WNT3A: variants seen among roughly 807,000 people sequenced by gnomAD.
WNT3A encodes protein Wnt-3a.
In WNT3A, 17 loss-of-function variants were observed where a neutral mutation model predicts 37.0. The ratio of observed to expected loss-of-function variants is 0.46; its 90% CI spans 0.31 to 0.69. The LOEUF is 0.69. Among genes scored for constraint, WNT3A ranks in the 30% least tolerant of loss-of-function variants. WNT3A has a pLI of 0.05. For missense variants in WNT3A, 411 were observed against 510.2 expected, an observed-to-expected ratio of 0.81 and a Z score of 1.87; for synonymous variants, 187 against 211.0, an observed-to-expected ratio of 0.89 and a Z score of 0.99.
chr1:228,012,927 G>T (rs2030416370), intron 1 of WNT3A, among the ~76,000 whole-genome samples: 1 of 152,146 alleles, frequency 6.6e-6, no homozygotes. Flanking sequence ...ACCCAGGCTG[G>T]AGTGCAGTGA....
chr1:228,047,415 C>T (rs1032952978), intron 2 of WNT3A, among the ~76,000 whole-genome samples: 1 of 152,148 alleles, frequency 6.6e-6, no homozygotes, highest in East Asian at 1.9e-4. Context: ...GAGCAACGTG[C>T]GTTCTTCTGT....
At chr1:228,025,339 T>TTTTG (rs966148593) in intron 2 of WNT3A, among the ~76,000 whole-genome samples, 16 of 152,266 alleles carry the variant, frequency 1.1e-4, no homozygotes, top group Admixed American at 2.6e-4. Context: ...TCTTCCTTAA[T>TTTTG]TTTGTTTGTT....
chr1:228,044,801 C>G (rs148328070), intron 2 of WNT3A, among the ~76,000 whole-genome samples: 2 of 152,216 alleles, frequency 1.3e-5, no homozygotes, highest in Non-Finnish European at 2.9e-5. Context: ...AATGCAGGCT[C>G]TCTTTGCCAG....
At chr1:228,033,753 T>G (rs2031070271) in intron 2 of WNT3A, among the ~76,000 whole-genome samples, 1 of 107,584 alleles carries the variant, frequency 9.3e-6, no homozygotes, top group Non-Finnish European at 2.1e-5. Flanking sequence ...TGGGAAATAT[T>G]GTTCTACTAA....
chr1:228,025,671 G>A (rs1436173052), intron 2 of WNT3A, among the ~76,000 whole-genome samples: 1 of 151,948 alleles, frequency 6.6e-6, no homozygotes, highest in Non-Finnish European at 1.5e-5. Context: ...TTTCAGCCAT[G>A]TTTTGTAGTT....
chr1:228,023,885 AC>A (rs1418613876), intron 2 of WNT3A, among the ~76,000 whole-genome samples: 1 of 151,922 alleles, frequency 6.6e-6, no homozygotes, highest in Non-Finnish European at 1.5e-5. Flanking sequence ...TGATTTAGCT[AC>A]TTTGCCTGTT....
chr1:228,058,672 C>T (rs2031729397), intron 3 of WNT3A, among the ~76,000 whole-genome samples: 1 of 152,228 alleles, frequency 6.6e-6, no homozygotes, highest in South Asian at 2.1e-4. Flanking sequence ...TGTGGCTCTT[C>T]GTGTATGGCA....
Position 228,059,744 on chromosome 1 carries a change from C to G in WNT3A, c.*279C>G, listed in dbSNP as rs2031757827. The G allele has an allele frequency of 7.9e-7, 1 of 1,267,058 alleles. No homozygotes were observed. The highest frequency in any genetic ancestry group is 9.9e-7 in the Non-Finnish European group (1 of 1,007,912). The allele number at this position is 1,267,058 out of a possible 1,614,324, so 78.5% of individuals were successfully genotyped here. On this transcript the variant is annotated 3_prime_UTR_variant, in exon 4 of 4. Transcript: ENST00000284523. ...CGTTGGCTTCTCCCTGGGGACGGGG[C>G]TCCCCTGGACAGAGGCGGGGCTACA...
rs1244397785 is a variant in WNT3A, at chr1:228,007,141, G to C, written c.13G>C (p.Gly5Arg). Residue 5 changes from glycine (G) to arginine (R), a missense_variant, in exon 1 of 4, where the codon GGA (glycine) becomes CGA (arginine). Physicochemically the swap from Gly to Arg is moderately radical, Grantham distance 125. Coordinates refer to ENST00000284523, the MANE Select transcript of WNT3A (RefSeq NM_033131.4). This position sits in a 1 kb window ranked among gnomAD's most constrained non-coding sequence, Gnocchi z 6.0. ...CTCTCGCGCGGCGATGGCCCCACTC[G>C]GATACTTCTTACTCCTCTGCAGCCT... MAPL[G>R]YFLLLCSLKQ... The C allele has an allele frequency of 6.3e-7, 1 of 1,592,202 alleles. No homozygotes were observed. The highest frequency in any genetic ancestry group is 1.4e-5 in the African/African-American group (1 of 72,472).
rs953108591 is a variant in WNT3A, at chr1:228,050,586, A to G, written c.314-70A>G. ...TTTATAACAATGCAAATGGGCTAAGACCCCTGACCTGCCCAAGGCGGTCCT... is the reference window on the plus strand; with the variant it reads ...TTTATAACAATGCAAATGGGCTAAGGCCCCTGACCTGCCCAAGGCGGTCCT... On this transcript the variant is annotated intron_variant, in intron 2 of 3. Transcript: ENST00000284523. The surrounding 1 kb of genome is among the most constrained non-coding windows in gnomAD (Gnocchi z 5.0). 3.3e-6 allele frequency: 5 copies of G among 1,502,792 alleles called. No individual in the cohort carries two copies. The highest frequency in any genetic ancestry group is 1.3e-5 in the South Asian group (1 of 74,832). 93.1% of individuals were successfully genotyped at this position (1,502,792 alleles called of 1,614,324 possible).
chr1:228,059,255 C>T lies in WNT3A; in HGVS notation c.849C>T (p.Pro283=). ...YYEASPNFCE[P]NPETGSFGTR... ...AGGCCTCGCCCAACTTCTGCGAGCC[C>T]AACCCTGAGACGGGCTCCTTCGGCA... The change falls in exon 4 of 4, where the codon CCC becomes CCT. Residue 283 remains proline (P), a synonymous_variant. Transcript: ENST00000284523. The T allele has an allele frequency of 1.2e-6, 2 of 1,607,608 alleles. No homozygotes were observed. The highest frequency in any genetic ancestry group is 1.7e-6 in the Non-Finnish European group (2 of 1,179,142).
In WNT3A at chr1:228,059,312, C is replaced by A. The variant is rs1558297418; in HGVS notation, c.906C>A (p.His302Gln). 1.3e-6 allele frequency: 2 copies of A among 1,577,300 alleles called. No individual in the cohort carries two copies. Among genetic ancestry groups the A allele is most frequent in the Non-Finnish European group, 8.6e-7 (1 of 1,166,700 alleles). ...ACCGCACCTGCAACGTCAGCTCGCA[C>A]GGCATCGACGGCTGCGACCTGCTGT... ...TRDRTCNVSS[H>Q]GIDGCDLLCC... Residue 302 changes from histidine to glutamine, a missense_variant, in exon 4 of 4, where the codon CAC becomes CAA. Physicochemically the swap from His to Gln is conservative, Grantham distance 24 (BLOSUM62 0). Transcript: ENST00000284523.
intron 2 of WNT3A, among the ~76,000 whole-genome samples, chr1:228,043,452 G>A (rs1246868780): frequency 6.6e-6 from 1 of 152,218 alleles, no homozygotes; most frequent in Non-Finnish European, 1.5e-5. Context: ...CTCTAATGAA[G>A]GCATTTTCCT....
intron 2 of WNT3A, among the ~76,000 whole-genome samples, chr1:228,044,487 A>G (rs2031357399): frequency 4.6e-5 from 7 of 152,126 alleles, no homozygotes; most frequent in Admixed American, 4.6e-4. Flanking sequence ...GAGACCTCTG[A>G]GGAGCACAAT....
chr1:228,024,901 T>C (rs1218762866), intron 2 of WNT3A, among the ~76,000 whole-genome samples: 1 of 152,220 alleles, frequency 6.6e-6, no homozygotes, highest in African/African-American at 2.4e-5. Context: ...AACTGTTCTT[T>C]TTCCCATCAA....
chr1:228,049,546 C>T lies in WNT3A; in HGVS notation c.314-1110C>T, dbSNP rs1443781917. Among the ~76,000 whole-genome samples the T allele has an allele frequency of 8.5e-5, 13 of 152,244 alleles. No individual in the cohort carries two copies. The South Asian group carries it at 1.0e-3, about 12-fold the overall frequency. ...TGGGGCAAACCTAACGGCTGGTGGA[C>T]GTTTACCCTTGAAGACACTGCCAAA... On this transcript the variant is annotated intron_variant, in intron 2 of 3. Coordinates refer to ENST00000284523, the MANE Select transcript of WNT3A (RefSeq NM_033131.4).
chr1:228,041,498 A>G (rs747768300), intron 2 of WNT3A, among the ~76,000 whole-genome samples: 1 of 150,298 alleles, frequency 6.7e-6, no homozygotes, highest in Non-Finnish European at 1.5e-5. Flanking sequence ...CCATCAATCC[A>G]TCATCCATCT....
chr1:228,028,497 T>C (rs2102767899), intron 2 of WNT3A, among the ~76,000 whole-genome samples: 1 of 152,184 alleles, frequency 6.6e-6, no homozygotes, highest in East Asian at 1.9e-4. Context: ...TTGTTTTTTG[T>C]ATTTTTAATA....
At chr1:228,025,498 G>A (rs560045669) in intron 2 of WNT3A, among the ~76,000 whole-genome samples, 5 of 152,178 alleles carry the variant, frequency 3.3e-5, no homozygotes, top group South Asian at 2.1e-4. Context: ...ACAGGCATGC[G>A]CCACCATGCC....
Sources: allele counts gnomAD v4.1 joint callset (sites outside exome capture counted in the v4.1 genomes callset), GRCh38; gene constraint gnomAD v4.1.1; non-coding constraint Gnocchi (gnomAD v3.1); transcripts MANE v1.5; gene names NCBI Gene and HGNC (gene_info 2026-07-23, HGNC 2026-07-21).